SYNRG: variants seen among roughly 807,000 people sequenced by gnomAD.
SYNRG encodes the protein synergin gamma.
SYNRG carries 37 observed loss-of-function variants against 130.9 expected under a neutral mutation model. The ratio of observed to expected loss-of-function variants is 0.28; its 90% CI spans 0.22 to 0.37. SYNRG has a LOEUF of 0.37. SYNRG is among the 10% of genes least tolerant of loss of function. The pLI is 1.00. For missense variants in SYNRG, 1,338 were observed against 1,588.9 expected (o/e 0.84, Z 2.68); for synonymous variants, 539 against 568.1 (o/e 0.95, Z 0.73).
chr17:37,555,915 A>C (rs2059086810), intron 13 of SYNRG, among the ~76,000 whole-genome samples: 1 of 152,028 alleles, frequency 6.6e-6, no homozygotes, highest in Admixed American at 6.6e-5. Flanking sequence ...CAAAAATAAA[A>C]ATAAAAAAAC....
intron 19 of SYNRG, among the ~76,000 whole-genome samples, chr17:37,524,770 G>A (rs1184919639): frequency 6.6e-6 from 1 of 152,212 alleles, no homozygotes; most frequent in Non-Finnish European, 1.5e-5. Context: ...GTGAAAAGTA[G>A]TCTATATGAT....
intron 13 of SYNRG, among the ~76,000 whole-genome samples, chr17:37,560,387 G>A (rs955488838): frequency 6.7e-6 from 1 of 149,702 alleles, no homozygotes; most frequent in Non-Finnish European, 1.5e-5. Flanking sequence ...CCAGGCTGGA[G>A]TGCAGTGGCA....
chr17:37,559,075 C>CTTCTT (rs1392692140), intron 13 of SYNRG, among the ~76,000 whole-genome samples: 1 of 152,174 alleles, frequency 6.6e-6, no homozygotes, highest in Admixed American at 6.5e-5. Context: ...AAAATCCTAG[C>CTTCTT]TAAGAAGGTA....
chr17:37,538,271 G>T, intron 18 of SYNRG, 53 bp downstream of exon 18: 1 of 1,337,892 alleles, frequency 7.5e-7, no homozygotes, highest in Non-Finnish European at 1.0e-6. Flanking sequence ...AGGGAAAACT[G>T]AAAATAATGC....
chr17:37,524,154 C>G (rs1462693600), intron 19 of SYNRG, among the ~76,000 whole-genome samples: 1 of 152,290 alleles, frequency 6.6e-6, no homozygotes, highest in Middle Eastern at 3.4e-3. Context: ...GTTGGTTTGT[C>G]TTCATGGATA....
At chr17:37,526,768 T>C (rs2055974082) in intron 19 of SYNRG, among the ~76,000 whole-genome samples, 1 of 152,178 alleles carries the variant, frequency 6.6e-6, no homozygotes, top group African/African-American at 2.4e-5. Flanking sequence ...CCCTCCTACC[T>C]TCCCCTTCTA....
Position 37,536,145 on chromosome 17 carries a change from C to G in SYNRG, c.3518-18G>C. ...AACAACACCTGACGGGATGAGAGAG[C>G]AGAGAGAGAGTGTTGGCAGTGGAGA... On this transcript the variant is annotated intron_variant, in intron 18 of 21. Transcript: ENST00000612223. The G allele has an allele frequency of 6.3e-7, 1 of 1,597,718 alleles. No individual in the cohort carries two copies. The highest frequency in any genetic ancestry group is 1.7e-4 in the Middle Eastern group (1 of 5,716).
chr17:37,531,784 G>GAA (rs879659367), intron 19 of SYNRG, among the ~76,000 whole-genome samples: 1 of 132,888 alleles, frequency 7.5e-6, no homozygotes, highest in African/African-American at 2.7e-5. Flanking sequence ...GTCTAAAAAA[G>GAA]AAAAAAAAAA....
chr17:37,571,763 T>C lies in SYNRG; in HGVS notation c.1098+28A>G, dbSNP rs753427668. On this transcript the variant is annotated intron_variant, in intron 9 of 21. Coordinates refer to ENST00000612223, the MANE Select transcript of SYNRG (RefSeq NM_007247.6). ...TTGCAATTTATATTAATAAAGTTATTTGATCTAACTTAAGAAACATTGTTT... is the reference window on the plus strand; with the variant it reads ...TTGCAATTTATATTAATAAAGTTATCTGATCTAACTTAAGAAACATTGTTT... The C allele has an allele frequency of 2.6e-6, 4 of 1,563,398 alleles. No homozygotes were observed. The Admixed American group carries it at 7.6e-5, about 30-fold the overall frequency.
chr17:37,519,063 G>A lies in SYNRG; in HGVS notation c.3822C>T (p.Asn1274=), dbSNP rs74423426. ...CCAGCTTGAAACTGTCTGTTTCTGA[G>A]TTGAATGCCTGCCAGAAATAAACAG... is the stretch of plus-strand genomic sequence containing the variant. ...PAEEHPKKAF[N]SETDSFKLAY... Residue 1274 remains asparagine, a synonymous_variant, in exon 22 of 22, where the codon AAC becomes AAT. Coordinates refer to ENST00000612223, the MANE Select transcript of SYNRG (RefSeq NM_007247.6). 4.9e-4 allele frequency: 794 copies of A among 1,613,348 alleles called. 3 individuals are homozygous for A. In the African/African-American group the frequency reaches 9.8e-3, roughly 20 times the overall value.
chr17:37,571,864 G>T lies in SYNRG; in HGVS notation c.1025C>A (p.Ala342Asp), dbSNP rs1374423237. The change falls in exon 9 of 22, where the codon GCT becomes GAT. Residue 342 changes from alanine (A) to aspartate (D), a missense_variant. By Grantham distance (126) the Ala-to-Asp change is moderately radical (BLOSUM62 -2). Coordinates refer to ENST00000612223, the MANE Select transcript of SYNRG (RefSeq NM_007247.6). ...AAGTTTGCCAGGTGTAGTTCGATTA[G>T]CTAAGGCCCATATCTGTCCAAGAGT... ...RETLGQIWAL[A>D]NRTTPGKLTK... The T allele has an allele frequency of 6.2e-7, 1 of 1,614,074 alleles. No individual in the cohort carries two copies. The highest frequency in any genetic ancestry group is 8.5e-7 in the Non-Finnish European group (1 of 1,180,042).
At chr17:37,587,491 G>A (rs1389173329) in intron 3 of SYNRG, among the ~76,000 whole-genome samples, 1 of 152,148 alleles carries the variant, frequency 6.6e-6, no homozygotes, top group Non-Finnish European at 1.5e-5. Context: ...TATATTTCCT[G>A]TAAGTGGGGA....
At chr17:37,583,040 G>C (rs2061451499) in intron 6 of SYNRG, among the ~76,000 whole-genome samples, 1 of 151,586 alleles carries the variant, frequency 6.6e-6, no homozygotes, top group South Asian at 2.1e-4. Flanking sequence ...GTCCAGGCTG[G>C]AGTGCAGTGG....
At chr17:37,560,945 G>A (rs1196268258) in intron 13 of SYNRG, among the ~76,000 whole-genome samples, 3 of 152,202 alleles carry the variant, frequency 2.0e-5, no homozygotes, top group African/African-American at 2.4e-5. Context: ...GATTACAGGC[G>A]TGAGCCACTG....
At chr17:37,598,162 T>A (rs1362319075) in intron 2 of SYNRG, among the ~76,000 whole-genome samples, 1 of 152,004 alleles carries the variant, frequency 6.6e-6, no homozygotes. Context: ...GAGAGATAGA[T>A]AACAAAAAAA....
intron 19 of SYNRG, among the ~76,000 whole-genome samples, chr17:37,530,429 C>CG (rs1384601154): frequency 3.7e-4 from 57 of 152,326 alleles, no homozygotes; most frequent in African/African-American, 1.2e-3. Context: ...ACACATCCTT[C>CG]TCTACCCCAC....
chr17:37,520,740 C>A (rs763878711), intron 19 of SYNRG, 92 bp from the exon 20 acceptor site: 16 of 1,010,966 alleles, frequency 1.6e-5, no homozygotes, highest in Non-Finnish European at 2.3e-5. Flanking sequence ...GCAGGCCTAG[C>A]GGCAAGTACA....
chr17:37,539,591 G>A (rs1453617208), intron 16 of SYNRG, among the ~76,000 whole-genome samples: 1 of 152,128 alleles, frequency 6.6e-6, no homozygotes, highest in Non-Finnish European at 1.5e-5. Flanking sequence ...GGCTTGTCTT[G>A]AACTCCTGAG....
intron 13 of SYNRG, among the ~76,000 whole-genome samples, chr17:37,560,046 C>T (rs1474618452): frequency 6.6e-6 from 1 of 152,090 alleles, no homozygotes; most frequent in African/African-American, 2.4e-5. Flanking sequence ...CACAGGTGTG[C>T]ACCACCATAT....
Sources: allele counts gnomAD v4.1 joint callset (sites outside exome capture counted in the v4.1 genomes callset), GRCh38; gene constraint gnomAD v4.1.1; transcripts MANE v1.5; gene names NCBI Gene and HGNC (gene_info 2026-07-23, HGNC 2026-07-21).